The following MLLT10 variants were observed in gnomAD, a reference collection of about 807,000 sequenced individuals.
MLLT10 encodes the protein protein AF-10.
Under a neutral mutation model 129.1 loss-of-function variants are expected in MLLT10, and 30 were observed. That is an observed-to-expected ratio of 0.23 (90% CI 0.17 to 0.32). The LOEUF (loss-of-function observed/expected upper bound fraction) is 0.32, where lower values mean the gene tolerates loss of function less well. Among genes scored for constraint, MLLT10 ranks in the 10% least tolerant of loss-of-function variants. MLLT10 has a pLI of 1.00. For synonymous variants in MLLT10, 490 were observed against 446.4 expected (o/e 1.10, Z -1.23); for missense variants, 1,119 against 1,268.3 (o/e 0.88, Z 1.79).
intron 18 of MLLT10, 67 bp from the exon 19 acceptor site, chr10:21,733,437 C>G: frequency 9.7e-7 from 1 of 1,030,552 alleles, no homozygotes; most frequent in Non-Finnish European, 1.3e-6. Flanking sequence ...TTTAATAAGC[C>G]TTTAATCTTA....
At chr10:21,556,252 C>T (rs954711414) in intron 3 of MLLT10, among the ~76,000 whole-genome samples, 2 of 152,090 alleles carry the variant, frequency 1.3e-5, no homozygotes, top group Admixed American at 6.6e-5. Flanking sequence ...TGTGAGCCAC[C>T]GTGCCCAGCC....
At chr10:21,664,473 T>A (rs2050542079) in intron 9 of MLLT10, among the ~76,000 whole-genome samples, 1 of 151,956 alleles carries the variant, frequency 6.6e-6, no homozygotes, top group Non-Finnish European at 1.5e-5. Flanking sequence ...ATTTTTGTAT[T>A]TTTAGTAGGG....
chr10:21,553,318 A>C (rs2037378667), intron 3 of MLLT10, among the ~76,000 whole-genome samples: 1 of 151,216 alleles, frequency 6.6e-6, no homozygotes, highest in Non-Finnish European at 1.5e-5. Context: ...AGTCCAAAGC[A>C]GTTCTAATTT....
intron 21 of MLLT10, among the ~76,000 whole-genome samples, chr10:21,739,247 C>T (rs2131595199): frequency 6.6e-6 from 1 of 152,330 alleles, no homozygotes; most frequent in African/African-American, 2.4e-5. Context: ...TCCCTCCACC[C>T]TTCCCGGGTC....
At chr10:21,610,882 C>T (rs771897882) in intron 5 of MLLT10, among the ~76,000 whole-genome samples, 1 of 149,550 alleles carries the variant, frequency 6.7e-6, no homozygotes, top group Non-Finnish European at 1.5e-5. Context: ...TTCAGTGTGT[C>T]TAGATAGGTT....
chr10:21,643,449 C>A (rs150108878), intron 8 of MLLT10, among the ~76,000 whole-genome samples: 2 of 152,246 alleles, frequency 1.3e-5, no homozygotes, highest in African/African-American at 4.8e-5. Flanking sequence ...GTTAGCTGCT[C>A]ACTATTAGTC....
At position 21,568,550 on chromosome 10, in the gene MLLT10, C is replaced by A. The variant is rs569371430; in HGVS notation, c.241-17744C>A. Among the ~76,000 whole-genome samples the A allele has an allele frequency of 5.3e-5, 8 of 152,252 alleles. No individual in the cohort carries two copies. The South Asian group carries it at 1.2e-3, about 24-fold the overall frequency. ...TATAGTCATGTAATTGTATAAATTT[C>A]TATTTCAATTACTGCTTTAACTGTC... On this transcript the variant is annotated intron_variant, in intron 3 of 22. Transcript: ENST00000307729.
At chr10:21,723,993 T>C (rs2057307030) in intron 14 of MLLT10, among the ~76,000 whole-genome samples, 1 of 152,262 alleles carries the variant, frequency 6.6e-6, no homozygotes, top group African/African-American at 2.4e-5. Flanking sequence ...GAAAAAAATC[T>C]TAACTGTATC....
chr10:21,682,289 C>T (rs746443294), intron 13 of MLLT10, 32 bp downstream of exon 13: 24 of 1,594,030 alleles, frequency 1.5e-5, no homozygotes, highest in Middle Eastern at 1.7e-4. Context: ...TCTAGTGGTT[C>T]GTTTATCACA....
At chr10:21,686,125 T>C (rs1470918891) in intron 13 of MLLT10, among the ~76,000 whole-genome samples, 1 of 152,166 alleles carries the variant, frequency 6.6e-6, no homozygotes, top group African/African-American at 2.4e-5. Context: ...TTAAGTGAAA[T>C]AGCGAAATTA....
At chr10:21,570,265 G>A (rs1045199762) in intron 3 of MLLT10, among the ~76,000 whole-genome samples, 1 of 150,900 alleles carries the variant, frequency 6.6e-6, no homozygotes, top group African/African-American at 2.4e-5. Context: ...TAGAGATGGG[G>A]TTCTGCAGTG....
Position 21,670,694 on chromosome 10 carries a change from T to A in MLLT10, c.1041T>A (p.Pro347=). Residue 347 remains proline, a synonymous_variant, in exon 10 of 23, where the codon CCT becomes CCA. Coordinates refer to ENST00000307729, the MANE Select transcript of MLLT10 (RefSeq NM_001195626.3). The part of the protein sequence containing the change: ...NPGTTVSAAS[P]FPQGSFSGTP... ...GAACAACTGTGTCAGCAGCTAGCCC[T>A]TTTCCTCAAGGTATTAGTGATGTTT... is the stretch of plus-strand genomic sequence containing the variant. 1 of 1,612,664 alleles carries A rather than the reference T, an allele frequency of 6.2e-7. No homozygotes were observed. The highest frequency in any genetic ancestry group is 8.5e-7 in the Non-Finnish European group (1 of 1,179,374).
In MLLT10 at chr10:21,685,456, T is replaced by C. The variant is rs367550227; in HGVS notation, c.1699+3199T>C. Among the ~76,000 whole-genome samples the C allele has an allele frequency of 1.4e-3, 220 of 152,244 alleles. 7 individuals carry two copies. The East Asian group carries it at 0.028, about 20-fold the overall frequency. On this transcript the variant is annotated intron_variant, in intron 13 of 22. Transcript: ENST00000307729. The stretch of plus-strand genomic sequence containing the variant: ...TTCAAGCGATTCTCCTGCCTCAGCC[T>C]CCCGAGTAGCTGGGATTACAGGCGC...
chr10:21,533,799 C>T (rs2033256061), upstream of MLLT10, among the ~76,000 whole-genome samples: 1 of 152,238 alleles, frequency 6.6e-6, no homozygotes, highest in South Asian at 2.1e-4. Context: ...ACTCGCCCCA[C>T]CCTCGTTTTC....
At chr10:21,588,972 C>T (rs1252761264) in intron 4 of MLLT10, among the ~76,000 whole-genome samples, 1 of 151,892 alleles carries the variant, frequency 6.6e-6, no homozygotes, top group African/African-American at 2.4e-5. Context: ...TATAGGCACA[C>T]ACCACCGCGC....
intron 13 of MLLT10, among the ~76,000 whole-genome samples, chr10:21,683,064 ATATTTTGC>A (rs1190349814): frequency 6.6e-6 from 1 of 152,092 alleles, no homozygotes; most frequent in Non-Finnish European, 1.5e-5. Flanking sequence ...GAAATCTTGC[ATATTTTGC>A]TAATGTATTT....
intron 13 of MLLT10, chr10:21,708,543 A>G (rs547452115): frequency 2.0e-6 from 2 of 981,646 alleles, no homozygotes; most frequent in African/African-American, 1.8e-5. Context: ...TAGGAAAGGA[A>G]CATTTTGCTC....
chr10:21,620,815 C>T (rs1379408323), intron 8 of MLLT10, among the ~76,000 whole-genome samples: 1 of 151,854 alleles, frequency 6.6e-6, no homozygotes, highest in Non-Finnish European at 1.5e-5. Context: ...CTCACCCTCC[C>T]GAATAGCTGG....
chr10:21,560,584 T>C lies in MLLT10; in HGVS notation c.240+21672T>C, dbSNP rs145885955. ...CTGTGTAGCTGGGATCACAGGCACG[T>C]ACTACCACCACCACCACCACCACCA... On this transcript the variant is annotated intron_variant, in intron 3 of 22. Coordinates refer to ENST00000307729, the MANE Select transcript of MLLT10 (RefSeq NM_001195626.3). 1.9e-4 allele frequency among the ~76,000 whole-genome samples: 29 copies of C among 152,116 alleles called. No homozygotes were observed. In the East Asian group the frequency reaches 5.6e-3, roughly 29 times the overall value.
Sources: gnomAD v4.1 joint callset for allele counts (sites outside exome capture counted in the v4.1 genomes callset) on GRCh38, gnomAD v4.1.1 for gene constraint, MANE v1.5 for transcripts, NCBI Gene and HGNC (gene_info 2026-07-23, HGNC 2026-07-21) for gene names.